Variants in CDCA7L observed in about 807,000 individuals in gnomAD.
CDCA7L encodes cell division cycle-associated 7-like protein.
A neutral mutation model predicts 57.4 loss-of-function variants in CDCA7L; 44 were observed. The observed-to-expected ratio is 0.77, with a 90% CI of 0.60 to 0.98. The LOEUF (loss-of-function observed/expected upper bound fraction) is 0.98. Ranked by LOEUF, CDCA7L falls within the 50% of genes least tolerant of loss-of-function variation. The pLI is 0.00. For missense variants in CDCA7L, 644 were observed against 580.6 expected (o/e 1.11, Z -1.12); for synonymous variants, 236 against 202.8 (o/e 1.16, Z -1.39).
intron 2 of CDCA7L, among the ~76,000 whole-genome samples, chr7:21,913,923 C>T (rs77369185): frequency 6.6e-6 from 1 of 152,132 alleles, no homozygotes; most frequent in Non-Finnish European, 1.5e-5. Flanking sequence ...TGTATGATGC[C>T]AATCTCCACT....
chr7:21,908,039 A>T, intron 4 of CDCA7L, 91 bp downstream of exon 4: 1 of 1,363,250 alleles, frequency 7.3e-7, no homozygotes, highest in Non-Finnish European at 9.8e-7. Context: ...AAGCAACAGC[A>T]GCAGCTGTAG....
At chr7:21,914,046 T>C (rs1373384290) in intron 2 of CDCA7L, among the ~76,000 whole-genome samples, 3 of 152,222 alleles carry the variant, frequency 2.0e-5, no homozygotes, top group Non-Finnish European at 2.9e-5. Context: ...TAGGCCTTGG[T>C]CATCTACCAT....
At chr7:21,918,379 C>G (rs994287994) in intron 1 of CDCA7L, among the ~76,000 whole-genome samples, 15 of 152,192 alleles carry the variant, frequency 9.9e-5, no homozygotes, top group Non-Finnish European at 1.8e-4. Flanking sequence ...TCATGTCACT[C>G]TGTATCATCA....
rs1785212319 is a variant in CDCA7L at position 21,908,512 on chromosome 7, T to C, written c.304-5A>G. On this transcript the variant is annotated splice_region_variant and splice_polypyrimidine_tract_variant and intron_variant, in intron 3 of 9. Transcript: ENST00000406877. ...ACTCAAATCTGACTCCACGACCTAA[T>C]AAAATAAGAGCAAGAAAAAGCACAA... 6.7e-7 allele frequency: 1 copy of C among 1,503,468 alleles called. No individual in the cohort carries two copies. The highest frequency in any genetic ancestry group is 2.3e-5 in the East Asian group (1 of 42,788). The allele number at this position is 1,503,468 out of a possible 1,614,324, so 93.1% of individuals were successfully genotyped here.
chr7:21,912,568 T>C (rs530079582), intron 2 of CDCA7L, among the ~76,000 whole-genome samples: 1 of 152,276 alleles, frequency 6.6e-6, no homozygotes, highest in Admixed American at 6.5e-5. Context: ...TCCAACAGCC[T>C]TTCAAAGCCG....
chr7:21,928,250 T>A (rs893912107), intron 1 of CDCA7L, among the ~76,000 whole-genome samples: 1 of 152,094 alleles, frequency 6.6e-6, no homozygotes, highest in African/African-American at 2.4e-5. Context: ...CAGAAAGGAA[T>A]AGCATCAACA....
intron 1 of CDCA7L, among the ~76,000 whole-genome samples, chr7:21,919,062 C>T (rs1042539585): frequency 6.6e-6 from 1 of 152,226 alleles, no homozygotes; most frequent in African/African-American, 2.4e-5. Context: ...AAGTGATCCT[C>T]TCACCTCAGC....
chr7:21,944,715 T>G (rs1372139319), intron 1 of CDCA7L: 1 of 152,056 alleles, frequency 6.6e-6, no homozygotes, highest in African/African-American at 2.4e-5. Flanking sequence ...CTCGGGCAGG[T>G]GACAGCGGTT....
Position 21,901,579 on chromosome 7 carries a change from AAGTACATCAT to A in CDCA7L, c.*733_*742del, listed in dbSNP as rs1784859334. ...ACAAGACTCCATCTCAAAAAAAAAAAAGTACATCATAAAAGTACATCATATGTGAACATGC... is the reference window on the plus strand; with the variant it reads ...ACAAGACTCCATCTCAAAAAAAAAAAAAAAGTACATCATATGTGAACATGC... On this transcript the variant is annotated 3_prime_UTR_variant, in exon 10 of 10. Transcript: ENST00000406877. 1 of 184,838 alleles carries A rather than the reference AAGTACATCAT, an allele frequency of 5.4e-6. No individual in the cohort carries two copies. The highest frequency in any genetic ancestry group is 1.9e-4 in the South Asian group (1 of 5,214). 11.4% of individuals were successfully genotyped at this position (184,838 alleles called of 1,614,324 possible).
intron 2 of CDCA7L, among the ~76,000 whole-genome samples, chr7:21,914,505 A>G (rs1785423862): frequency 6.6e-6 from 1 of 152,210 alleles, no homozygotes; most frequent in South Asian, 2.1e-4. Context: ...ACTGGATGTG[A>G]GCCACGGTAG....
rs1255612164 is a variant in CDCA7L at position 21,902,989 on chromosome 7, T to G, written c.1323A>C (p.Glu441Asp). 4 of 1,613,910 alleles carry G rather than the reference T, an allele frequency of 2.5e-6. No homozygotes were observed. The African/African-American group carries it at 4.0e-5, about 16-fold the overall frequency. The change falls in exon 9 of 10, where the codon GAA becomes GAC. Residue 441 changes from glutamate to aspartate, a missense_variant. Coordinates refer to ENST00000406877, the MANE Select transcript of CDCA7L (RefSeq NM_018719.5). ...AKFYGYDNVKEYLESLQKELV... is the reference protein window; with the variant it reads ...AKFYGYDNVKDYLESLQKELV... The stretch of plus-strand genomic sequence containing the variant: ...AGAGACTTACTTACCTCTCCAGATA[T>G]TCCTTAACATTGTCATAACCATAAA...
chr7:21,915,138 G>T (rs58126834), intron 2 of CDCA7L, among the ~76,000 whole-genome samples: 10,223 of 152,132 alleles, frequency 0.067, 748 homozygotes, highest in Admixed American at 0.22. Context: ...AGCTGCAGAG[G>T]GAAGGGAAGG....
chr7:21,932,871 C>G (rs189693962), intron 1 of CDCA7L, among the ~76,000 whole-genome samples: 1 of 151,680 alleles, frequency 6.6e-6, no homozygotes, highest in East Asian at 1.9e-4. Context: ...AGGCAACTTA[C>G]AGAATGGAAG....
chr7:21,903,326 C>A (rs1785006020), intron 8 of CDCA7L, among the ~76,000 whole-genome samples: 1 of 152,156 alleles, frequency 6.6e-6, no homozygotes, highest in African/African-American at 2.4e-5. Flanking sequence ...CCTTTTAGGG[C>A]TCCTTGCTTA....
chr7:21,903,650 G>C (rs893598676), intron 8 of CDCA7L: 4 of 163,060 alleles, frequency 2.5e-5, no homozygotes, highest in African/African-American at 9.6e-5. Flanking sequence ...TACCGAGGGA[G>C]CTGAGAGAGG....
intron 6 of CDCA7L, 136 bp downstream of exon 6, chr7:21,906,153 C>T: frequency 1.3e-6 from 1 of 777,338 alleles, no homozygotes; most frequent in South Asian, 1.9e-5. Flanking sequence ...ACCTGGGAAG[C>T]AGAGAGAAAT....
At position 21,905,269 on chromosome 7, in the gene CDCA7L, C is replaced by G. The variant is rs929352607; in HGVS notation, c.1047+237G>C. ...TATAAAAATCCCTTTTAAACTATAC[C>G]GTTCCCTTCCCCCAGATTCTACGCA... On this transcript the variant is annotated intron_variant, in intron 7 of 9. Coordinates refer to ENST00000406877, the MANE Select transcript of CDCA7L (RefSeq NM_018719.5). Among the ~76,000 whole-genome samples the G allele has an allele frequency of 1.1e-4, 16 of 152,120 alleles. 1 individual carries two copies. Among genetic ancestry groups the G allele is most frequent in the African/African-American group, 3.1e-4 (13 of 41,508 alleles).
At chr7:21,941,601 T>C (rs1200570335) in intron 1 of CDCA7L, among the ~76,000 whole-genome samples, 1 of 152,158 alleles carries the variant, frequency 6.6e-6, no homozygotes, top group Non-Finnish European at 1.5e-5. Context: ...TCTGGTGAGT[T>C]CCTAAAAAAG....
In CDCA7L at chr7:21,901,568, CAA is replaced by C. The variant is rs879666623; in HGVS notation, c.*752_*753del. On this transcript the variant is annotated 3_prime_UTR_variant, in exon 10 of 10. Transcript: ENST00000406877. ...TGGGCAACAGAACAAGACTCCATCT[CAA>C]AAAAAAAAAAGTACATCATAAAAGT... is the stretch of plus-strand genomic sequence containing the variant. The C allele has an allele frequency of 2.7e-4, 43 of 159,322 alleles. No individual in the cohort carries two copies. Among genetic ancestry groups the C allele is most frequent in the Middle Eastern group, 2.4e-3 (1 of 410 alleles). 9.9% of individuals were successfully genotyped at this position (159,322 alleles called of 1,614,324 possible).
Sources: gnomAD v4.1 joint callset for allele counts (sites outside exome capture counted in the v4.1 genomes callset) on GRCh38, gnomAD v4.1.1 for gene constraint, MANE v1.5 for transcripts, NCBI Gene and HGNC (gene_info 2026-07-23, HGNC 2026-07-21) for gene names.